Variants in STT3B observed in about 807,000 individuals in gnomAD.
STT3B encodes the protein dolichyl-diphosphooligosaccharide--protein glycosyltransferase subunit STT3B.
STT3B carries 29 observed loss-of-function variants against 96.8 expected under a neutral mutation model. That is an observed-to-expected ratio of 0.30 (90% CI 0.22 to 0.41). The LOEUF (loss-of-function observed/expected upper bound fraction) is 0.41. Ranked by LOEUF, STT3B falls within the 10% of genes least tolerant of loss-of-function variation. The probability of loss-of-function intolerance (pLI) is 1.00; values close to 1 mark genes in which losing one functional copy is unlikely to be tolerated. For missense variants in STT3B, 640 were observed against 1,022.3 expected, an observed-to-expected ratio of 0.63 and a Z score of 5.10; for synonymous variants, 367 against 360.0, an observed-to-expected ratio of 1.02 and a Z score of -0.22.
chr3:31,602,031 G>A (rs548036500), intron 5 of STT3B, among the ~76,000 whole-genome samples: 40 of 152,196 alleles, frequency 2.6e-4, no homozygotes, highest in African/African-American at 9.6e-4. Flanking sequence ...GGCTGAGGCT[G>A]GAGTTCCACT....
At chr3:31,580,450 A>G (rs533869716) in intron 3 of STT3B, among the ~76,000 whole-genome samples, 1 of 152,222 alleles carries the variant, frequency 6.6e-6, no homozygotes, top group Non-Finnish European at 1.5e-5. Flanking sequence ...TGAAACTAGC[A>G]TTATTTATTT....
At chr3:31,616,376 C>CT (rs138781418) in intron 6 of STT3B, among the ~76,000 whole-genome samples, 6,615 of 151,912 alleles carry the variant, frequency 0.044, 371 homozygotes, top group East Asian at 0.32. Flanking sequence ...ATGAGAGAGA[C>CT]TTCCCAGTTT....
At chr3:31,588,992 T>C (rs751616661) in intron 3 of STT3B, among the ~76,000 whole-genome samples, 1 of 152,060 alleles carries the variant, frequency 6.6e-6, no homozygotes, top group African/African-American at 2.4e-5. Context: ...ACATTCAAAT[T>C]GATTTGTTGA....
Position 31,533,062 on chromosome 3 carries a change from G to A in STT3B, c.64G>A (p.Gly22Ser), listed in dbSNP as rs761989050. Residue 22 changes from glycine (G) to serine (S), a missense_variant, in exon 1 of 16, where the codon GGC becomes AGC. This residue lies in a region of STT3B where 89 missense variants were observed against 81.7 expected (regional missense o/e 1.09). Coordinates refer to ENST00000295770, the MANE Select transcript of STT3B (RefSeq NM_178862.3). ...GTCCCTCAACTCGTCCCCGTGGAGTGGCCTCATGGCCCTGGGAAACAGCCG... is the reference window on the plus strand; with the variant it reads ...GTCCCTCAACTCGTCCCCGTGGAGTAGCCTCATGGCCCTGGGAAACAGCCG... ...KSSLNSSPWS[G>S]LMALGNSRHG... 1 of 1,568,634 alleles carries A rather than the reference G, an allele frequency of 6.4e-7. No individual in the cohort carries two copies. Among genetic ancestry groups the A allele is most frequent in the Non-Finnish European group, 8.6e-7 (1 of 1,160,498 alleles).
At position 31,617,023 on chromosome 3, in the gene STT3B, A is replaced by C; in HGVS notation, c.1071A>C (p.Val357=). ...TCCAGACCCTTTTCTTTTTGGGTGT[A>C]TCACTAGCTGCAGGTGCTGTGTTCC... ...QEFQTLFFLG[V]SLAAGAVFLS... is the part of the protein sequence containing the mutation. The change falls in exon 7 of 16, where the codon GTA becomes GTC. Residue 357 remains valine (V), a synonymous_variant. Transcript: ENST00000295770. The C allele has an allele frequency of 1.2e-6, 2 of 1,611,932 alleles. No individual in the cohort carries two copies. Among genetic ancestry groups the C allele is most frequent in the Non-Finnish European group, 1.7e-6 (2 of 1,178,378 alleles).
chr3:31,625,621 A>G (rs1273612332), intron 12 of STT3B, among the ~76,000 whole-genome samples: 2 of 152,242 alleles, frequency 1.3e-5, no homozygotes, highest in African/African-American at 4.8e-5. Context: ...TGTATGTGCT[A>G]GCAAGATCAC....
chr3:31,586,386 G>T (rs923519777), intron 3 of STT3B, among the ~76,000 whole-genome samples: 20 of 152,008 alleles, frequency 1.3e-4, no homozygotes, highest in African/African-American at 4.3e-4. Flanking sequence ...CCTAAGAGCA[G>T]AAAATTTTGA....
chr3:31,619,869 G>A (rs1309914984), intron 9 of STT3B, 39 bp downstream of exon 9: 5 of 1,575,486 alleles, frequency 3.2e-6, no homozygotes, highest in Non-Finnish European at 3.4e-6. Context: ...ATATGGAATA[G>A]TTATTTTTCT....
Position 31,616,958 on chromosome 3 carries a change from T to C in STT3B, c.1006T>C (p.Phe336Leu). 1 of 1,611,794 alleles carries C rather than the reference T, an allele frequency of 6.2e-7. No individual in the cohort carries two copies. Among genetic ancestry groups the C allele is most frequent in the Non-Finnish European group, 8.5e-7 (1 of 1,178,272 alleles). Residue 336 changes from phenylalanine (F) to leucine (L), a missense_variant, in exon 7 of 16, where the codon TTC (phenylalanine) becomes CTC (leucine). Phe to Leu is a conservative substitution (Grantham distance 22). Coordinates refer to ENST00000295770, the MANE Select transcript of STT3B (RefSeq NM_178862.3). The stretch of plus-strand genomic sequence containing the variant: ...CTTTGCATTGCTGCAAGCTTATGCT[T>C]TCTTGCAGTATCTGAGAGACCGATT... Reference protein sequence around the residue: ...GVFALLQAYAFLQYLRDRLTK... With the variant: ...GVFALLQAYALLQYLRDRLTK...
At chr3:31,619,924 T>A (rs1230766211) in intron 9 of STT3B, 94 bp downstream of exon 9, 1 of 1,511,148 alleles carries the variant, frequency 6.6e-7, no homozygotes, top group Non-Finnish European at 8.8e-7. Flanking sequence ...TATGTTTGAC[T>A]CTATATATTC....
intron 1 of STT3B, among the ~76,000 whole-genome samples, chr3:31,564,611 T>TACA (rs1187924820): frequency 6.6e-6 from 1 of 152,234 alleles, no homozygotes. Flanking sequence ...TTGATTTTGT[T>TACA]GTTTTCATTA....
At chr3:31,598,790 GGT>G (rs1698852813) in intron 4 of STT3B, among the ~76,000 whole-genome samples, 1 of 151,836 alleles carries the variant, frequency 6.6e-6, no homozygotes, top group East Asian at 1.9e-4. Flanking sequence ...ATATCCTCTA[GGT>G]TAACCTGTAA....
At chr3:31,580,878 G>A (rs1229059149) in intron 3 of STT3B, among the ~76,000 whole-genome samples, 1 of 151,648 alleles carries the variant, frequency 6.6e-6, no homozygotes, top group Non-Finnish European at 1.5e-5. Flanking sequence ...TGTTGCCAGT[G>A]CTGCTGTACT....
intron 5 of STT3B, among the ~76,000 whole-genome samples, chr3:31,607,036 G>C (rs1246228278): frequency 1.3e-5 from 2 of 152,160 alleles, no homozygotes; most frequent in Non-Finnish European, 2.9e-5. Context: ...GGACTTGCAT[G>C]GGACCTTCAG....
intron 1 of STT3B, among the ~76,000 whole-genome samples, chr3:31,546,975 G>A (rs975929136): frequency 6.6e-6 from 1 of 152,186 alleles, no homozygotes; most frequent in Non-Finnish European, 1.5e-5. Flanking sequence ...GTACAATTAT[G>A]AATCAGCATG....
At chr3:31,601,582 G>A (rs889610542) in intron 5 of STT3B, among the ~76,000 whole-genome samples, 1 of 152,162 alleles carries the variant, frequency 6.6e-6, no homozygotes, top group Non-Finnish European at 1.5e-5. Context: ...ATTAGTGGTT[G>A]CCTGGGGATT....
At position 31,568,539 on chromosome 3, in the gene STT3B, A is replaced by G. The variant is rs140275086; in HGVS notation, c.315-7857A>G. Among the ~76,000 whole-genome samples, 187 of 152,298 alleles carry G rather than the reference A, an allele frequency of 1.2e-3. 1 individual carries two copies. The highest frequency in any genetic ancestry group is 6.8e-3 in the Middle Eastern group (2 of 294). ...AGCATTTGTTACTGCCTGTCTTTTG[A>G]ATACAAACCATTTTAACTGAGGTGA... On this transcript the variant is annotated intron_variant, in intron 1 of 15. Coordinates refer to ENST00000295770, the MANE Select transcript of STT3B (RefSeq NM_178862.3).
intron 3 of STT3B, among the ~76,000 whole-genome samples, chr3:31,585,721 T>C (rs1284177268): frequency 6.6e-6 from 1 of 152,116 alleles, no homozygotes; most frequent in Non-Finnish European, 1.5e-5. Context: ...GAATGCCATA[T>C]AAATACAGAC....
intron 14 of STT3B, among the ~76,000 whole-genome samples, chr3:31,630,390 C>T (rs1359513588): frequency 6.6e-6 from 1 of 152,120 alleles, no homozygotes; most frequent in African/African-American, 2.4e-5. Flanking sequence ...TTCTACTTTC[C>T]CATCTTGAAG....
Sources: allele counts gnomAD v4.1 joint callset (sites outside exome capture counted in the v4.1 genomes callset), GRCh38; gene constraint gnomAD v4.1.1; regional missense constraint gnomAD v4.1.1; transcripts MANE v1.5; gene names NCBI Gene and HGNC (gene_info 2026-07-23, HGNC 2026-07-21).